Variants in PEX7 observed in about 807,000 individuals in gnomAD.
PEX7 encodes the protein PTS2 receptor.
PEX7 carries 34 observed loss-of-function variants against 47.5 expected under a neutral mutation model. That is an observed-to-expected ratio of 0.72 (90% CI 0.54 to 0.95). The LOEUF (loss-of-function observed/expected upper bound fraction) is 0.95, where lower values mean the gene tolerates loss of function less well. Among genes scored for constraint, PEX7 ranks in the 40% least tolerant of loss-of-function variants. PEX7 has a pLI of 0.00. For synonymous variants in PEX7, 141 were observed against 148.8 expected, an observed-to-expected ratio of 0.95 and a Z score of 0.38; for missense variants, 394 against 400.3, an observed-to-expected ratio of 0.98 and a Z score of 0.13.
At chr6:136,894,362 C>T (rs112280841) in intron 8 of PEX7, among the ~76,000 whole-genome samples, 1 of 149,698 alleles carries the variant, frequency 6.7e-6, no homozygotes, top group Non-Finnish European at 1.5e-5. Context: ...GAGGCCGAGG[C>T]GGGCAGATCA....
At chr6:136,860,608 G>A (rs978123460) in intron 5 of PEX7, among the ~76,000 whole-genome samples, 2 of 150,268 alleles carry the variant, frequency 1.3e-5, no homozygotes, top group African/African-American at 4.9e-5. Context: ...CATGGCACAT[G>A]TATACATATG....
intron 3 of PEX7, among the ~76,000 whole-genome samples, chr6:136,842,682 A>G (rs145741629): frequency 6.6e-6 from 1 of 152,336 alleles, no homozygotes; most frequent in Non-Finnish European, 1.5e-5. Context: ...TTGAGTGCCT[A>G]TTTTACTGTG....
At chr6:136,832,063 C>A (rs1197854698) in intron 3 of PEX7, among the ~76,000 whole-genome samples, 1 of 152,264 alleles carries the variant, frequency 6.6e-6, no homozygotes, top group Non-Finnish European at 1.5e-5. Flanking sequence ...ACTGCCCTAG[C>A]AAAGGTTCTC....
intron 8 of PEX7, among the ~76,000 whole-genome samples, chr6:136,895,853 T>G (rs1188253825): frequency 6.6e-6 from 1 of 152,208 alleles, no homozygotes; most frequent in East Asian, 1.9e-4. Flanking sequence ...TTTGATGAAC[T>G]CTTTGCAAGA....
chr6:136,854,292 G>A lies in PEX7; in HGVS notation c.526+8111G>A, dbSNP rs182729363. 3.8e-4 allele frequency among the ~76,000 whole-genome samples: 58 copies of A among 152,238 alleles called. 1 individual carries two copies. In the East Asian group the frequency reaches 0.01, roughly 27 times the overall value. ...GCTCACTGCAACCTCCGCCTCCCGG[G>A]TTCAAGCAATTCTCCTGCCTCAGCC... On this transcript the variant is annotated intron_variant, in intron 5 of 9. Coordinates refer to ENST00000318471, the MANE Select transcript of PEX7 (RefSeq NM_000288.4).
chr6:136,869,967 A>G lies in PEX7; in HGVS notation c.711A>G (p.Glu237=), dbSNP rs1488926499. 6.2e-7 allele frequency: 1 copy of G among 1,613,692 alleles called. No homozygotes were observed. Among genetic ancestry groups the G allele is most frequent in the Non-Finnish European group, 8.5e-7 (1 of 1,179,766 alleles). Residue 237 remains glutamate (E), a synonymous_variant, in exon 7 of 10, where the codon GAA becomes GAG. Transcript: ENST00000318471. ...GGAATGTACGACAACCAGTGTTTGA[A>G]CTTCTTGGTCATACCTATGCTATTA... ...DLRNVRQPVF[E]LLGHTYAIRR...
At chr6:136,860,719 T>C (rs561055792) in intron 5 of PEX7, among the ~76,000 whole-genome samples, 5 of 152,008 alleles carry the variant, frequency 3.3e-5, no homozygotes, top group Admixed American at 1.3e-4. Flanking sequence ...TCCCAACCTT[T>C]GTTATTGTGT....
intron 3 of PEX7, chr6:136,830,137 A>C (rs1774268283): frequency 3.0e-6 from 2 of 677,294 alleles, no homozygotes; most frequent in Non-Finnish European, 5.4e-6. Context: ...CAGCTTTGTA[A>C]GTTACCTGTT....
At chr6:136,824,731 A>G (rs566639445) in intron 1 of PEX7, among the ~76,000 whole-genome samples, 122 of 152,326 alleles carry the variant, frequency 8.0e-4, no homozygotes, top group African/African-American at 2.9e-3. Context: ...AATCCCACCA[A>G]GTATCTCCGC....
intron 5 of PEX7, among the ~76,000 whole-genome samples, chr6:136,854,564 GT>G (rs1159585002): frequency 6.6e-6 from 1 of 152,142 alleles, no homozygotes; most frequent in East Asian, 1.9e-4. Flanking sequence ...CCACAGTTCA[GT>G]TTACTGGTTT....
intron 8 of PEX7, among the ~76,000 whole-genome samples, chr6:136,882,717 G>A (rs893434808): frequency 1.3e-5 from 2 of 151,886 alleles, no homozygotes; most frequent in Non-Finnish European, 2.9e-5. Flanking sequence ...AGGACTTTAC[G>A]CCGTGAAGTG....
chr6:136,868,715 TTTC>T (rs1775118412), intron 6 of PEX7, among the ~76,000 whole-genome samples: 1 of 146,122 alleles, frequency 6.8e-6, no homozygotes, highest in Admixed American at 6.8e-5. Context: ...TTGCCATTAC[TTTC>T]AATGGCAAAA....
At chr6:136,832,462 G>C in intron 3 of PEX7, among the ~76,000 whole-genome samples, 1 of 152,174 alleles carries the variant, frequency 6.6e-6, no homozygotes, top group East Asian at 1.9e-4. Flanking sequence ...CATTGTTTTG[G>C]CTATTAATAT....
intron 5 of PEX7, among the ~76,000 whole-genome samples, chr6:136,848,663 T>C (rs6570105): frequency 0.64 from 96,763 of 151,910 alleles, 30,938 homozygotes; most frequent in African/African-American, 0.69. Context: ...TATTGATTTG[T>C]GTATGTTGAA....
At chr6:136,892,396 T>G (rs960979805) in intron 8 of PEX7, among the ~76,000 whole-genome samples, 7 of 152,140 alleles carry the variant, frequency 4.6e-5, no homozygotes, top group Admixed American at 4.6e-4. Context: ...GACCTAGGCC[T>G]AGAGAAAAAA....
intron 5 of PEX7, among the ~76,000 whole-genome samples, chr6:136,858,879 G>A (rs907047102): frequency 1.3e-5 from 2 of 152,014 alleles, no homozygotes; most frequent in South Asian, 2.1e-4. Flanking sequence ...TCTTGCTTAC[G>A]GACGAGTGTT....
At chr6:136,846,262 C>G (rs531212303) in intron 5 of PEX7, 81 bp downstream of exon 5, 1 of 716,370 alleles carries the variant, frequency 1.4e-6, no homozygotes, top group African/African-American at 1.8e-5. Context: ...CGCTGTGTAC[C>G]TTAGCTTCAG....
At chr6:136,825,145 A>ATT (rs1774163984) in intron 1 of PEX7, 69 bp from the exon 2 acceptor site, 3 of 1,306,538 alleles carry the variant, frequency 2.3e-6, no homozygotes, top group Non-Finnish European at 3.3e-6. Context: ...CAATTACTTG[A>ATT]TAACTCCTTG....
At chr6:136,885,705 T>TGTCAG (rs1775456700) in intron 8 of PEX7, among the ~76,000 whole-genome samples, 1 of 152,204 alleles carries the variant, frequency 6.6e-6, no homozygotes, top group African/African-American at 2.4e-5. Flanking sequence ...ACCCTAAGCC[T>TGTCAG]GTCAGTTTTG....
Sources: gnomAD v4.1 joint callset for allele counts (sites outside exome capture counted in the v4.1 genomes callset) on GRCh38, gnomAD v4.1.1 for gene constraint, MANE v1.5 for transcripts, NCBI Gene and HGNC (gene_info 2026-07-23, HGNC 2026-07-21) for gene names.